Variants in DLGAP2 observed in about 807,000 individuals in gnomAD.
DLGAP2 encodes disks large-associated protein 2.
Under a neutral mutation model 100.3 loss-of-function variants are expected in DLGAP2, and 26 were observed. The ratio of observed to expected loss-of-function variants is 0.26; its 90% CI spans 0.19 to 0.36. The LOEUF (loss-of-function observed/expected upper bound fraction) is 0.36. DLGAP2 is among the 10% of genes least tolerant of loss of function. The probability of loss-of-function intolerance (pLI) is 1.00; values close to 1 mark genes in which losing one functional copy is unlikely to be tolerated. For missense variants in DLGAP2, 1,858 were observed against 1,453.2 expected (o/e 1.28, Z -4.53); for synonymous variants, 886 against 630.1 (o/e 1.41, Z -6.08).
chr8:1,127,870 G>C (rs1796203529), intron 2 of DLGAP2, among the ~76,000 whole-genome samples: 2 of 152,328 alleles, frequency 1.3e-5, no homozygotes, highest in African/African-American at 4.8e-5. Flanking sequence ...TTGGTATAAA[G>C]AGTCTGAACT....
At chr8:743,366 T>G (rs186919070) in intron 1 of DLGAP2, among the ~76,000 whole-genome samples, 205 of 152,296 alleles carry the variant, frequency 1.3e-3, no homozygotes, top group Middle Eastern at 3.4e-3. Flanking sequence ...TGAAGATAAA[T>G]TTTCTCTGGC....
chr8:1,262,831 G>A (rs1024030503), intron 3 of DLGAP2, among the ~76,000 whole-genome samples: 8 of 152,068 alleles, frequency 5.3e-5, no homozygotes, highest in Non-Finnish European at 8.8e-5. Flanking sequence ...GATACTACTC[G>A]CTTTTCAACT....
At chr8:845,285 A>G (rs1182066329) in intron 1 of DLGAP2, among the ~76,000 whole-genome samples, 1 of 152,206 alleles carries the variant, frequency 6.6e-6, no homozygotes, top group South Asian at 2.1e-4. Context: ...TTCTGATTTC[A>G]TCAGATCCTC....
chr8:1,196,624 G>C (rs1306462191), intron 2 of DLGAP2, among the ~76,000 whole-genome samples: 1 of 152,216 alleles, frequency 6.6e-6, no homozygotes, highest in Admixed American at 6.5e-5. Flanking sequence ...TGCAGGTCGA[G>C]GGGGGTATCT....
At chr8:947,621 C>T (rs2129006791) in intron 2 of DLGAP2, among the ~76,000 whole-genome samples, 1 of 152,318 alleles carries the variant, frequency 6.6e-6, no homozygotes, top group Admixed American at 6.5e-5. Context: ...CTGGCTTCAG[C>T]CTGGTCACCA....
chr8:1,108,967 G>A (rs1226030436), intron 2 of DLGAP2, among the ~76,000 whole-genome samples: 1 of 142,688 alleles, frequency 7.0e-6, no homozygotes, highest in Admixed American at 7.0e-5. Context: ...TCTGTGAGGT[G>A]TGTACGGGTC....
chr8:1,208,425 C>T (rs912961843), intron 2 of DLGAP2, among the ~76,000 whole-genome samples: 14 of 152,198 alleles, frequency 9.2e-5, no homozygotes, highest in African/African-American at 3.4e-4. Context: ...GAAAATCCAG[C>T]ATCACTTTAT....
intron 2 of DLGAP2, among the ~76,000 whole-genome samples, chr8:1,087,385 G>T (rs1197373577): frequency 1.3e-5 from 2 of 152,180 alleles, no homozygotes; most frequent in Non-Finnish European, 2.9e-5. Flanking sequence ...CCAGTTCAGA[G>T]TGTTGTCTAT....
chr8:1,298,294 C>A (rs1362853300), intron 3 of DLGAP2, among the ~76,000 whole-genome samples: 1 of 152,158 alleles, frequency 6.6e-6, no homozygotes, highest in East Asian at 1.9e-4. Flanking sequence ...TCTAAACCCC[C>A]CATACACCAA....
chr8:1,693,035 C>T (rs1799293312), intron 13 of DLGAP2, among the ~76,000 whole-genome samples: 1 of 146,988 alleles, frequency 6.8e-6, no homozygotes, highest in South Asian at 2.1e-4. Flanking sequence ...ATATATACAC[C>T]TATATATAAA....
At chr8:989,627 T>C (rs1800597019) in intron 2 of DLGAP2, among the ~76,000 whole-genome samples, 1 of 152,192 alleles carries the variant, frequency 6.6e-6, no homozygotes, top group Admixed American at 6.5e-5. Flanking sequence ...AGACATTCCT[T>C]GAAGGCTGAT....
At chr8:906,397 T>C (rs1798381809) in intron 1 of DLGAP2, among the ~76,000 whole-genome samples, 1 of 152,028 alleles carries the variant, frequency 6.6e-6, no homozygotes, top group South Asian at 2.1e-4. Context: ...CCTGAGGGGG[T>C]GGGTTCTGAG....
chr8:855,378 C>A (rs1461293336), intron 1 of DLGAP2, among the ~76,000 whole-genome samples: 1 of 152,092 alleles, frequency 6.6e-6, no homozygotes, highest in Non-Finnish European at 1.5e-5. Flanking sequence ...ACACTGGGAC[C>A]AAAGCTGAGT....
At chr8:833,611 CCT>C (rs1175017175) in intron 1 of DLGAP2, among the ~76,000 whole-genome samples, 8 of 152,160 alleles carry the variant, frequency 5.3e-5, no homozygotes, top group African/African-American at 9.7e-5. Flanking sequence ...CAGGATCACC[CCT>C]GTCTCATCTC....
At chr8:1,420,748 C>A (rs777877641) in intron 3 of DLGAP2, among the ~76,000 whole-genome samples, 5 of 152,124 alleles carry the variant, frequency 3.3e-5, no homozygotes, top group Non-Finnish European at 7.3e-5. Context: ...AGCTCCCTGG[C>A]TCGGTGGTAA....
intron 1 of DLGAP2, among the ~76,000 whole-genome samples, chr8:861,259 G>A (rs917154971): frequency 6.6e-6 from 1 of 152,164 alleles, no homozygotes; most frequent in Non-Finnish European, 1.5e-5. Flanking sequence ...CGGGAGCTAG[G>A]AGCTGCGTAT....
At chr8:1,072,485 A>T (rs1377060790) in intron 2 of DLGAP2, among the ~76,000 whole-genome samples, 1 of 152,166 alleles carries the variant, frequency 6.6e-6, no homozygotes, top group African/African-American at 2.4e-5. Flanking sequence ...CATTCACGTT[A>T]TCTTGGAGAA....
chr8:1,260,387 T>A (rs1184598775), intron 3 of DLGAP2, among the ~76,000 whole-genome samples: 2 of 152,306 alleles, frequency 1.3e-5, no homozygotes, highest in East Asian at 3.9e-4. Context: ...ACATTGCATC[T>A]TGCTCTTCGT....
intron 2 of DLGAP2, among the ~76,000 whole-genome samples, chr8:1,078,827 T>C (rs895798082): frequency 6.6e-6 from 1 of 152,194 alleles, no homozygotes; most frequent in African/African-American, 2.4e-5. Context: ...CGCAGTTGCT[T>C]CCAAGTTTTG....
Sources: gnomAD v4.1 joint callset for allele counts (sites outside exome capture counted in the v4.1 genomes callset) on GRCh38, gnomAD v4.1.1 for gene constraint, MANE v1.5 for transcripts, NCBI Gene and HGNC (gene_info 2026-07-23, HGNC 2026-07-21) for gene names.